Variants in NEK10 observed in about 807,000 individuals in gnomAD.
NEK10 encodes the protein NIMA related kinase 10, also known as serine/threonine-protein kinase Nek10.
Under a neutral mutation model 159.8 loss-of-function variants are expected in NEK10, and 122 were observed. The observed-to-expected ratio is 0.76, with a 90% CI of 0.66 to 0.89. NEK10 has a LOEUF of 0.89. NEK10 is among the 40% of genes least tolerant of loss of function. The pLI is 0.00. For synonymous variants in NEK10, 466 were observed against 457.1 expected (o/e 1.02, Z -0.25); for missense variants, 1,342 against 1,323.1 (o/e 1.01, Z -0.22).
chr3:27,291,107 G>A, intron 18 of NEK10, among the ~76,000 whole-genome samples, 155 bp downstream of exon 18: 1 of 152,194 alleles, frequency 6.6e-6, no homozygotes, highest in Non-Finnish European at 1.5e-5. Context: ...ATATTAGTGT[G>A]GCTATCTCTG....
intron 23 of NEK10, among the ~76,000 whole-genome samples, chr3:27,227,942 T>A (rs1481964879): frequency 1.3e-5 from 2 of 152,124 alleles, no homozygotes; most frequent in Non-Finnish European, 2.9e-5. Context: ...TTAAAGCAGA[T>A]CTTGTTTAAA....
intron 31 of NEK10, among the ~76,000 whole-genome samples, chr3:27,140,457 AGCAAATACTAGACACTGGTT>A (rs1299585025): frequency 1.3e-5 from 2 of 152,246 alleles, no homozygotes; most frequent in African/African-American, 2.4e-5. Flanking sequence ...ACAGGCTTTC[AGCAAATACTAGACACTGGTT>A]GCAAACTGAC....
chr3:27,125,172 G>A (rs1941802909), intron 32 of NEK10, among the ~76,000 whole-genome samples: 1 of 152,084 alleles, frequency 6.6e-6, no homozygotes, highest in South Asian at 2.1e-4. Flanking sequence ...TTTTGAGCAA[G>A]TATTGAGCAA....
intron 30 of NEK10, among the ~76,000 whole-genome samples, chr3:27,158,119 C>A (rs561739613): frequency 6.6e-6 from 1 of 152,080 alleles, no homozygotes; most frequent in Non-Finnish European, 1.5e-5. Context: ...GGGACGGAAC[C>A]TGCAATATCT....
chr3:27,314,000 CCGCACCTGG>C (rs1331872687), intron 7 of NEK10, among the ~76,000 whole-genome samples: 1 of 152,164 alleles, frequency 6.6e-6, no homozygotes, highest in Non-Finnish European at 1.5e-5. Flanking sequence ...GTGTGAGCCA[CCGCACCTGG>C]CTGCCTATTT....
At chr3:27,252,900 C>A (rs773482090) in intron 23 of NEK10, 9 of 514,474 alleles carry the variant, frequency 1.7e-5, no homozygotes, top group Middle Eastern at 3.2e-4. Flanking sequence ...AGGGCTTGGT[C>A]TTTGCATGAG....
intron 30 of NEK10, among the ~76,000 whole-genome samples, chr3:27,162,022 A>C (rs919218779): frequency 1.3e-5 from 2 of 152,060 alleles, no homozygotes; most frequent in South Asian, 2.1e-4. Context: ...AAAAGAAAAG[A>C]AAAGAAACAT....
rs547792418 is a variant in NEK10 at position 27,209,747 on chromosome 3, T to C, written c.2091-7190A>G. 1.4e-4 allele frequency among the ~76,000 whole-genome samples: 22 copies of C among 152,312 alleles called. No homozygotes were observed. In the South Asian group the frequency reaches 1.4e-3, roughly 10 times the overall value. On this transcript the variant is annotated intron_variant, in intron 23 of 35. Transcript: ENST00000691995. ...CTCTTATTAGGTCACCTAGCTCCTG[T>C]GGATTGTGTTTAGGGACATGCATGT...
chr3:27,115,031 T>A lies in NEK10; in HGVS notation c.3299+909A>T, dbSNP rs114599232. Reference sequence around the variant, plus strand: ...TACCTGCACTTCTTTTCCTGAGGATTTCTCTGACCCCTGGAGTCTTCTTTG... The same window carrying A: ...TACCTGCACTTCTTTTCCTGAGGATATCTCTGACCCCTGGAGTCTTCTTTG... On this transcript the variant is annotated intron_variant, in intron 35 of 35. Coordinates refer to ENST00000691995, the MANE Select transcript of NEK10 (RefSeq NM_001394966.1). 8.7e-3 allele frequency among the ~76,000 whole-genome samples: 1,318 copies of A among 152,328 alleles called. 12 individuals are homozygous for A. The highest frequency in any genetic ancestry group is 0.014 in the Non-Finnish European group (960 of 68,026).
intron 22 of NEK10, among the ~76,000 whole-genome samples, chr3:27,273,531 T>A (rs2041537755): frequency 6.6e-6 from 1 of 152,224 alleles, no homozygotes; most frequent in Admixed American, 6.5e-5. Flanking sequence ...TATCCTTTTA[T>A]CACATAGTAA....
rs144548998 is a variant in NEK10 at position 27,198,429 on chromosome 3, A to C, written c.2291+3081T>G. On this transcript the variant is annotated intron_variant, in intron 25 of 35. Coordinates refer to ENST00000691995, the MANE Select transcript of NEK10 (RefSeq NM_001394966.1). Reference sequence around the variant, plus strand: ...CAAAACAGCATGGTATTGATACAAAAACAGACACATAGACCAATGGAACAG... The same window carrying C: ...CAAAACAGCATGGTATTGATACAAACACAGACACATAGACCAATGGAACAG... 8.2e-3 allele frequency among the ~76,000 whole-genome samples: 1,243 copies of C among 152,226 alleles called. 16 individuals are homozygous for C. The highest frequency in any genetic ancestry group is 0.027 in the African/African-American group (1,139 of 41,530).
intron 5 of NEK10, among the ~76,000 whole-genome samples, chr3:27,322,644 T>C (rs933860748): frequency 1.3e-5 from 2 of 152,198 alleles, no homozygotes; most frequent in African/African-American, 2.4e-5. Context: ...CATCAAAAGA[T>C]TATTTTCATA....
intron 31 of NEK10, among the ~76,000 whole-genome samples, chr3:27,137,343 A>T (rs938353095): frequency 1.3e-5 from 2 of 152,258 alleles, no homozygotes; most frequent in African/African-American, 4.8e-5. Context: ...AAATCCAATA[A>T]GAAAATGGTA....
intron 22 of NEK10, among the ~76,000 whole-genome samples, chr3:27,264,346 AAC>A (rs752918415): frequency 3.3e-5 from 5 of 152,208 alleles, no homozygotes; most frequent in South Asian, 2.1e-4. Flanking sequence ...AAGAAAAGAA[AAC>A]TACAGAACAA....
intron 30 of NEK10, among the ~76,000 whole-genome samples, chr3:27,161,954 G>A (rs1284953213): frequency 4.6e-5 from 7 of 151,706 alleles, no homozygotes; most frequent in Non-Finnish European, 5.9e-5. Context: ...GCAGTGAGCC[G>A]AGATCGTGCC....
At chr3:27,245,824 C>A (rs1955004391) in intron 23 of NEK10, among the ~76,000 whole-genome samples, 1 of 152,122 alleles carries the variant, frequency 6.6e-6, no homozygotes, top group African/African-American at 2.4e-5. Flanking sequence ...CCCCTCCCAC[C>A]CTCAGAAAAA....
chr3:27,273,602 T>C (rs1168322936), intron 22 of NEK10, among the ~76,000 whole-genome samples: 1 of 152,186 alleles, frequency 6.6e-6, no homozygotes, highest in Non-Finnish European at 1.5e-5. Flanking sequence ...GCTAAAAATT[T>C]TTATCATCTT....
intron 20 of NEK10, among the ~76,000 whole-genome samples, chr3:27,287,136 TAAAAA>T (rs36078735): frequency 7.4e-6 from 1 of 134,510 alleles, no homozygotes. Context: ...AGGCCCTACT[TAAAAA>T]AAAAAAAAAA....
chr3:27,161,739 T>G (rs956382710), intron 30 of NEK10, among the ~76,000 whole-genome samples: 1 of 152,184 alleles, frequency 6.6e-6, no homozygotes, highest in Non-Finnish European at 1.5e-5. Context: ...AATTTTTCAA[T>G]TATTAGGGAA....
Sources: allele counts gnomAD v4.1 joint callset (sites outside exome capture counted in the v4.1 genomes callset), GRCh38; gene constraint gnomAD v4.1.1; transcripts MANE v1.5; gene names NCBI Gene and HGNC (gene_info 2026-07-23, HGNC 2026-07-21).